Variants in ADGRV1 observed in about 807,000 individuals in gnomAD.
The protein encoded by ADGRV1 is adhesion G protein-coupled receptor V1, also known as G-protein coupled receptor 98.
A neutral mutation model predicts 596.2 loss-of-function variants in ADGRV1; 359 were observed. The ratio of observed to expected loss-of-function variants is 0.60; its 90% CI spans 0.55 to 0.66. The LOEUF is 0.66. ADGRV1 is among the 30% of genes least tolerant of loss of function. ADGRV1 has a pLI of 0.00. For synonymous variants in ADGRV1, 2,681 were observed against 2,679.2 expected (o/e 1.00, Z -0.02); for missense variants, 7,274 against 7,575.6 (o/e 0.96, Z 1.48).
chr5:90,703,525 A>G lies in ADGRV1; in HGVS notation c.8156-140A>G, dbSNP rs950130172. The G allele has an allele frequency of 9.9e-5, 57 of 577,790 alleles. No individual in the cohort carries two copies. The African/African-American group carries it at 1.1e-3, about 11-fold the overall frequency. 35.8% of individuals were successfully genotyped at this position (577,790 alleles called of 1,614,324 possible). A position where few individuals can be genotyped will look rare whatever the true frequency, so the allele number is the denominator to read the frequency against. On this transcript the variant is annotated intron_variant, in intron 34 of 89. Transcript: ENST00000405460. ...ATAAGCATGTATAAAGATTCTAGAA[A>G]ATTCAAAACAAAACAGCTTTGTAAT...
intron 45 of ADGRV1, 135 bp downstream of exon 45, chr5:90,721,194 G>A: frequency 1.3e-6 from 1 of 764,954 alleles, no homozygotes; most frequent in South Asian, 1.9e-5. Flanking sequence ...TTCTTTTATT[G>A]CATCTATAAA....
chr5:91,135,147 C>G (rs1446541676), intron 87 of ADGRV1, among the ~76,000 whole-genome samples: 1 of 149,782 alleles, frequency 6.7e-6, no homozygotes, highest in Non-Finnish European at 1.5e-5. Flanking sequence ...CCACTGCACT[C>G]CAGCCTGGGA....
intron 85 of ADGRV1, among the ~76,000 whole-genome samples, chr5:91,039,852 G>T (rs184322092): frequency 1.8e-4 from 27 of 152,214 alleles, no homozygotes; most frequent in Admixed American, 8.5e-4. Context: ...AGATGTACAA[G>T]GATGAATAAA....
chr5:90,895,650 C>T (rs1771241415), intron 83 of ADGRV1, among the ~76,000 whole-genome samples: 1 of 152,140 alleles, frequency 6.6e-6, no homozygotes, highest in Non-Finnish European at 1.5e-5. Context: ...GAATATCTGT[C>T]GCCTTTTCAG....
intron 71 of ADGRV1, among the ~76,000 whole-genome samples, chr5:90,803,584 CA>C (rs1449607504): frequency 6.6e-6 from 1 of 152,074 alleles, no homozygotes; most frequent in Non-Finnish European, 1.5e-5. Flanking sequence ...GATGAATGGG[CA>C]GGAATATGGG....
intron 86 of ADGRV1, among the ~76,000 whole-genome samples, chr5:91,100,302 G>C (rs1791262147): frequency 6.6e-6 from 1 of 152,062 alleles, no homozygotes; most frequent in Non-Finnish European, 1.5e-5. Flanking sequence ...TGCGCCTATA[G>C]TTTCAGCTAC....
At chr5:90,734,171 A>T (rs1046940338) in intron 50 of ADGRV1, among the ~76,000 whole-genome samples, 5 of 152,082 alleles carry the variant, frequency 3.3e-5, no homozygotes, top group Non-Finnish European at 5.9e-5. Context: ...TCATCTGTTG[A>T]TAGATATATA....
chr5:90,810,962 G>A lies in ADGRV1; in HGVS notation c.15702G>A (p.Lys5234=), dbSNP rs779577497. 3 of 1,613,992 alleles carry A rather than the reference G, an allele frequency of 1.9e-6. No homozygotes were observed. Among genetic ancestry groups the A allele is most frequent in the South Asian group, 2.2e-5 (2 of 91,090 alleles). ...PSIVYIEEEM[K]NGTFNTAEVL... ...TTGTTTATATTGAAGAGGAGATGAA[G>A]AATGGCACATTCAACACTGCAGAAG... The change falls in exon 74 of 90, where the codon AAG becomes AAA. Residue 5234 remains lysine, a synonymous_variant. Transcript: ENST00000405460.
intron 34 of ADGRV1, 109 bp downstream of exon 34, chr5:90,697,255 T>G (rs1286118835): frequency 8.3e-6 from 8 of 966,020 alleles, no homozygotes; most frequent in Non-Finnish European, 1.2e-5. Flanking sequence ...TTTGTTGAAC[T>G]GTGTGTGTGT....
At chr5:91,000,536 C>G (rs1562070208) in intron 85 of ADGRV1, among the ~76,000 whole-genome samples, 1 of 151,982 alleles carries the variant, frequency 6.6e-6, no homozygotes, top group Admixed American at 6.6e-5. Context: ...AACGCAAGAG[C>G]TAGTTAGTCT....
chr5:90,755,369 C>T (rs945094548), intron 55 of ADGRV1, among the ~76,000 whole-genome samples, 184 bp downstream of exon 55: 4 of 151,994 alleles, frequency 2.6e-5, no homozygotes, highest in Non-Finnish European at 4.4e-5. Context: ...TTATAACTGG[C>T]TGGCAAAAAT....
intron 83 of ADGRV1, among the ~76,000 whole-genome samples, chr5:90,948,203 G>A (rs1776758800): frequency 6.6e-6 from 1 of 152,076 alleles, no homozygotes; most frequent in South Asian, 2.1e-4. Context: ...ATTAGAATTT[G>A]AATCCAGGAG....
chr5:90,956,210 G>A (rs1458752587), intron 83 of ADGRV1, among the ~76,000 whole-genome samples: 1 of 152,050 alleles, frequency 6.6e-6, no homozygotes, highest in African/African-American at 2.4e-5. Context: ...TTTCAAATAA[G>A]TTTACTGTAC....
chr5:90,619,635 T>TAC (rs1319889772), intron 4 of ADGRV1, among the ~76,000 whole-genome samples: 1 of 152,060 alleles, frequency 6.6e-6, no homozygotes, highest in African/African-American at 2.4e-5. Flanking sequence ...AGTTTTAGGG[T>TAC]ACATGTGCAC....
chr5:90,972,356 T>C (rs1779121034), intron 84 of ADGRV1, among the ~76,000 whole-genome samples: 2 of 152,252 alleles, frequency 1.3e-5, no homozygotes, highest in Admixed American at 1.3e-4. Flanking sequence ...GCGGATCTAA[T>C]AGACATCTAC....
In ADGRV1 at chr5:91,088,768, A is replaced by C. The variant is rs537831857; in HGVS notation, c.18311-13451A>C. 7.9e-5 allele frequency among the ~76,000 whole-genome samples: 12 copies of C among 152,288 alleles called. No homozygotes were observed. In the East Asian group the frequency reaches 2.3e-3, roughly 29 times the overall value. On this transcript the variant is annotated intron_variant, in intron 86 of 89. Coordinates refer to ENST00000405460, the MANE Select transcript of ADGRV1 (RefSeq NM_032119.4). ...TAACCATTAACAATTTAAACTCTAC[A>C]TTTAAAAAAGAGAAAAAAAATCCTA...
At chr5:90,603,702 G>C (rs1242581561) in intron 1 of ADGRV1, among the ~76,000 whole-genome samples, 1 of 151,894 alleles carries the variant, frequency 6.6e-6, no homozygotes, top group Non-Finnish European at 1.5e-5. Flanking sequence ...CTCCTGCTTT[G>C]GAGGTGACTT....
rs747192045 is a variant in ADGRV1 at position 90,728,774 on chromosome 5, A to C, written c.10267A>C (p.Ile3423Leu). 1 of 1,613,950 alleles carries C rather than the reference A, an allele frequency of 6.2e-7. No homozygotes were observed. The highest frequency in any genetic ancestry group is 8.5e-7 in the Non-Finnish European group (1 of 1,179,858). ...CAAGGGAGGCTCTGTGTTCTTAGCCATTTCCCAGGCTAATGCCAGGCTAAA... is the reference window on the plus strand; with the variant it reads ...CAAGGGAGGCTCTGTGTTCTTAGCCCTTTCCCAGGCTAATGCCAGGCTAAA... ...FNKGGSVFLAISQANARLNSL... is the reference protein window; with the variant it reads ...FNKGGSVFLALSQANARLNSL... The change falls in exon 49 of 90, where the codon ATT (isoleucine) becomes CTT (leucine). Residue 3423 changes from isoleucine (I) to leucine (L), a missense_variant. This residue lies in a region of ADGRV1 where 3,643 missense variants were observed against 3,809.2 expected (regional missense o/e 0.96). Transcript: ENST00000405460.
chr5:91,156,643 T>C (rs920674777), intron 89 of ADGRV1, among the ~76,000 whole-genome samples: 1 of 152,238 alleles, frequency 6.6e-6, no homozygotes, highest in African/African-American at 2.4e-5. Flanking sequence ...GTAAGGAATG[T>C]CTTCCTTACT....
Sources: allele counts gnomAD v4.1 joint callset (sites outside exome capture counted in the v4.1 genomes callset), GRCh38; gene constraint gnomAD v4.1.1; regional missense constraint gnomAD v4.1.1; transcripts MANE v1.5; gene names NCBI Gene and HGNC (gene_info 2026-07-23, HGNC 2026-07-21).